Variants in IGF1R observed in about 807,000 individuals in gnomAD.
The protein encoded by IGF1R is insulin-like growth factor 1 receptor.
A neutral mutation model predicts 144.6 loss-of-function variants in IGF1R; 44 were observed. The observed-to-expected ratio is 0.30, with a 90% CI of 0.24 to 0.39. IGF1R has a LOEUF of 0.39. Ranked by LOEUF, IGF1R falls within the 10% of genes least tolerant of loss-of-function variation. IGF1R has a pLI of 1.00. For synonymous variants in IGF1R, 795 were observed against 722.8 expected (o/e 1.10, Z -1.60); for missense variants, 1,355 against 1,833.7 (o/e 0.74, Z 4.77).
At chr15:98,875,285 T>C (rs1465364110) in intron 2 of IGF1R, among the ~76,000 whole-genome samples, 3 of 152,176 alleles carry the variant, frequency 2.0e-5, no homozygotes, top group Non-Finnish European at 2.9e-5. Flanking sequence ...TTGGATAAGA[T>C]TTTTGAAGAA....
chr15:98,908,344 C>A (rs547781535), intron 5 of IGF1R, among the ~76,000 whole-genome samples: 1 of 152,342 alleles, frequency 6.6e-6, no homozygotes, highest in East Asian at 1.9e-4. Context: ...GGACTGCTTT[C>A]AAGCACGTTG....
At chr15:98,910,529 A>G (rs1346423362) in intron 6 of IGF1R, among the ~76,000 whole-genome samples, 1 of 152,206 alleles carries the variant, frequency 6.6e-6, no homozygotes, top group Non-Finnish European at 1.5e-5. Flanking sequence ...AAGAGGGCGA[A>G]AGGACAATTC....
chr15:98,674,316 C>T (rs752431217), intron 1 of IGF1R, among the ~76,000 whole-genome samples: 19 of 152,148 alleles, frequency 1.2e-4, no homozygotes, highest in Non-Finnish European at 2.6e-4. Context: ...CTCTTGAATG[C>T]CTGCTACCTG....
chr15:98,717,587 C>T (rs540424659), intron 2 of IGF1R, among the ~76,000 whole-genome samples: 44 of 152,230 alleles, frequency 2.9e-4, no homozygotes, highest in African/African-American at 9.6e-4. Flanking sequence ...GAACATTCAG[C>T]GAGGTACATA....
chr15:98,949,012 C>G (rs186062325), intron 20 of IGF1R, among the ~76,000 whole-genome samples: 1 of 152,216 alleles, frequency 6.6e-6, no homozygotes, highest in African/African-American at 2.4e-5. Flanking sequence ...TCCATCCTTA[C>G]TCATCCTCTC....
chr15:98,799,370 A>G (rs1270441075), intron 2 of IGF1R, among the ~76,000 whole-genome samples: 1 of 148,396 alleles, frequency 6.7e-6, no homozygotes, highest in Non-Finnish European at 1.5e-5. Context: ...GTAAGTTTAA[A>G]AAAAAAAAAA....
intron 2 of IGF1R, among the ~76,000 whole-genome samples, chr15:98,793,035 A>G (rs1336760308): frequency 6.6e-6 from 1 of 152,138 alleles, no homozygotes; most frequent in Non-Finnish European, 1.5e-5. Flanking sequence ...TGATACAAAG[A>G]CTGGTCCATT....
At position 98,649,516 on chromosome 15, in the gene IGF1R, T is replaced by C. The variant is rs1293795375; in HGVS notation, c.-66T>C. 2 of 1,002,520 alleles carry C rather than the reference T, an allele frequency of 2.0e-6. No individual in the cohort carries two copies. Among genetic ancestry groups the C allele is most frequent in the South Asian group, 1.4e-5 (1 of 70,540 alleles). 62.1% of individuals were successfully genotyped at this position (1,002,520 alleles called of 1,614,324 possible). A position where few individuals can be genotyped will look rare whatever the true frequency, so the allele number is the denominator to read the frequency against. ...TGTTTCCTTTCATTTCCTTTTTTTC[T>C]TTTCTTTTCTTTTTTTTTTTTTTTT... On this transcript the variant is annotated 5_prime_UTR_variant, in exon 1 of 21. Transcript: ENST00000650285.
intron 2 of IGF1R, among the ~76,000 whole-genome samples, chr15:98,835,041 T>C (rs887372062): frequency 6.6e-6 from 1 of 150,860 alleles, no homozygotes; most frequent in African/African-American, 2.5e-5. Context: ...AGTAGTAACT[T>C]AGGCTTTTTA....
intron 2 of IGF1R, among the ~76,000 whole-genome samples, chr15:98,863,394 A>G (rs2012264629): frequency 6.6e-6 from 1 of 152,162 alleles, no homozygotes; most frequent in Non-Finnish European, 1.5e-5. Context: ...TTGGAGGTAG[A>G]TACTTGAGAC....
chr15:98,714,626 C>T (rs990720060), intron 2 of IGF1R, among the ~76,000 whole-genome samples: 1 of 147,108 alleles, frequency 6.8e-6, no homozygotes, highest in Non-Finnish European at 1.5e-5. Context: ...TCAGCCTGGG[C>T]GACATAATGA....
chr15:98,676,371 T>A (rs1433668163), intron 1 of IGF1R, among the ~76,000 whole-genome samples: 1 of 151,558 alleles, frequency 6.6e-6, no homozygotes. Flanking sequence ...ATCCTGACCT[T>A]GCGATCCGCC....
At chr15:98,897,815 A>T (rs1375637593) in intron 4 of IGF1R, among the ~76,000 whole-genome samples, 1 of 152,212 alleles carries the variant, frequency 6.6e-6, no homozygotes, top group Non-Finnish European at 1.5e-5. Flanking sequence ...ATTCTCTGCC[A>T]CTGGGACCAC....
intron 1 of IGF1R, among the ~76,000 whole-genome samples, chr15:98,669,844 G>A (rs2052843123): frequency 6.6e-6 from 1 of 152,178 alleles, no homozygotes; most frequent in Admixed American, 6.5e-5. Context: ...GGGCATTTCT[G>A]GTGCTTGGTA....
At chr15:98,784,086 T>C (rs1596302352) in intron 2 of IGF1R, among the ~76,000 whole-genome samples, 2 of 144,292 alleles carry the variant, frequency 1.4e-5, no homozygotes, top group East Asian at 4.4e-4. Context: ...GCGATTCTCC[T>C]GCCTCAGCCT....
rs2017222373 is a variant in IGF1R, at chr15:98,961,449, G to A, written c.*4007G>A. The A allele has an allele frequency of 8.6e-6, 2 of 233,342 alleles. No individual in the cohort carries two copies. Among genetic ancestry groups the A allele is most frequent in the Non-Finnish European group, 1.7e-5 (2 of 118,002 alleles). 14.5% of individuals were successfully genotyped at this position (233,342 alleles called of 1,614,324 possible). A position where few individuals can be genotyped will look rare whatever the true frequency, so the allele number is the denominator to read the frequency against. On this transcript the variant is annotated 3_prime_UTR_variant, in exon 21 of 21. Transcript: ENST00000650285. ...TGTGTGATGGTGCAGTCACTTTACT[G>A]GACCAACCCACCCACCTTGACTATA...
chr15:98,739,515 T>C (rs1186733909), intron 2 of IGF1R, among the ~76,000 whole-genome samples: 1 of 152,226 alleles, frequency 6.6e-6, no homozygotes, highest in East Asian at 1.9e-4. Flanking sequence ...CTGATCAGGT[T>C]GTCTCCTAAA....
rs140707261 is a variant in IGF1R at position 98,724,456 on chromosome 15, C to T, written c.640+16349C>T. Among the ~76,000 whole-genome samples, 170 of 152,310 alleles carry T rather than the reference C, an allele frequency of 1.1e-3. 1 individual carries two copies. The highest frequency in any genetic ancestry group is 9.0e-3 in the Admixed American group (137 of 15,302). ...GAGAGAGCAGCCAGTTCTCCAGCAG[C>T]CCCAGTGAGAGCTCTCATGGATCTG... On this transcript the variant is annotated intron_variant, in intron 2 of 20. Transcript: ENST00000650285.
At chr15:98,846,719 G>T (rs536100043) in intron 2 of IGF1R, among the ~76,000 whole-genome samples, 2 of 152,322 alleles carry the variant, frequency 1.3e-5, no homozygotes, top group South Asian at 4.1e-4. Flanking sequence ...TTTCTCTTAT[G>T]CTGCCTTAAA....
Sources: allele counts gnomAD v4.1 joint callset (sites outside exome capture counted in the v4.1 genomes callset), GRCh38; gene constraint gnomAD v4.1.1; transcripts MANE v1.5; gene names NCBI Gene and HGNC (gene_info 2026-07-23, HGNC 2026-07-21).